MYRF: variants seen among roughly 807,000 people sequenced by gnomAD.
The protein encoded by MYRF is myelin regulatory factor, also known as myelin gene regulatory factor.
In MYRF, 16 loss-of-function variants were observed where a neutral mutation model predicts 126.3. The observed-to-expected ratio is 0.13, with a 90% CI of 0.09 to 0.19. The LOEUF (loss-of-function observed/expected upper bound fraction) is 0.19. MYRF is among the 10% of genes least tolerant of loss of function. The probability of loss-of-function intolerance (pLI) is 1.00; values close to 1 mark genes in which losing one functional copy is unlikely to be tolerated. For synonymous variants in MYRF, 608 were observed against 635.3 expected, an observed-to-expected ratio of 0.96 and a Z score of 0.65; for missense variants, 1,104 against 1,547.0, an observed-to-expected ratio of 0.71 and a Z score of 4.80.
intron 26 of MYRF, 75 bp from the exon 27 acceptor site, chr11:61,785,988 A>G: frequency 6.4e-7 from 1 of 1,555,872 alleles, no homozygotes; most frequent in Non-Finnish European, 8.9e-7. Context: ...CACAGTGTCA[A>G]GCAATGTCAG....
At position 61,781,756 on chromosome 11, in the gene MYRF, G is replaced by A. The variant is rs528208848; in HGVS notation, c.2948G>A (p.Arg983Gln). 2.8e-5 allele frequency: 45 copies of A among 1,611,270 alleles called. No homozygotes were observed. The East Asian group carries it at 4.7e-4, about 17-fold the overall frequency. ...AGTCCCAGCCTTGGTTTCCATGGCC[G>A]GGCCCGCCGAGGGGCCCTCCAGTCC... Reference protein sequence around the residue: ...KNSPSLGFHGRARRGALQSSV... With the variant: ...KNSPSLGFHGQARRGALQSSV... Residue 983 changes from arginine (R) to glutamine (Q), a missense_variant, in exon 22 of 27, where the codon CGG becomes CAG. This residue lies in a region of MYRF where 323 missense variants were observed against 383.1 expected (regional missense o/e 0.84). Transcript: ENST00000278836.
Position 61,786,122 on chromosome 11 carries a change from C to A in MYRF, c.3435C>A (p.His1145Gln). Residue 1145 changes from histidine to glutamine, a missense_variant, in exon 27 of 27, where the codon CAC becomes CAA. His to Gln is a conservative substitution (Grantham distance 24). Coordinates refer to ENST00000278836, the MANE Select transcript of MYRF (RefSeq NM_001127392.3). This position sits in a 1 kb window ranked among gnomAD's most constrained non-coding sequence, Gnocchi z 4.5. ...LAQPATDYHF[H>Q]FYRLCD Reference sequence around the variant, plus strand: ...AGCCAGCCACAGACTACCACTTCCACTTCTACCGCCTGTGTGACTGAGCTG... The same window carrying A: ...AGCCAGCCACAGACTACCACTTCCAATTCTACCGCCTGTGTGACTGAGCTG... 1 of 1,614,224 alleles carries A rather than the reference C, an allele frequency of 6.2e-7. No individual in the cohort carries two copies.
chr11:61,760,439 C>T (rs555686209), intron 1 of MYRF, among the ~76,000 whole-genome samples: 2 of 152,262 alleles, frequency 1.3e-5, no homozygotes, highest in African/African-American at 4.8e-5. Context: ...GAAGGCTGAC[C>T]CACTGGAAGG....
In MYRF at chr11:61,788,185, T is replaced by G. The variant is rs410604; in HGVS notation, c.*2042T>G. The stretch of plus-strand genomic sequence containing the variant: ...GCCCTGGGGTCCAGCAGGTCATCCC[T>G]CCCTTCTTCTCTCTCCTTTGGCGTT... On this transcript the variant is annotated 3_prime_UTR_variant, in exon 27 of 27. Coordinates refer to ENST00000278836, the MANE Select transcript of MYRF (RefSeq NM_001127392.3). 2.6e-5 allele frequency: 4 copies of G among 152,734 alleles called. No individual in the cohort carries two copies. Among genetic ancestry groups the G allele is most frequent in the African/African-American group, 7.2e-5 (3 of 41,422 alleles). The allele number at this position is 152,734 out of a possible 1,614,324, so 9.5% of individuals were successfully genotyped here. A position where few individuals can be genotyped will look rare whatever the true frequency, so the allele number is the denominator to read the frequency against.
At position 61,778,999 on chromosome 11, in the gene MYRF, G is replaced by A. The variant is rs2066467308; in HGVS notation, c.2014-264G>A. On this transcript the variant is annotated intron_variant, in intron 14 of 26. Coordinates refer to ENST00000278836, the MANE Select transcript of MYRF (RefSeq NM_001127392.3). The surrounding 1 kb of genome is among the most constrained non-coding windows in gnomAD (Gnocchi z 4.6). The stretch of plus-strand genomic sequence containing the variant: ...GCTTAGGAGAGGAGAGCTCTGGCAG[G>A]GAGTGGGGAGGGCCATTCAGGCAGG... 3.1e-6 allele frequency: 2 copies of A among 650,790 alleles called. No individual in the cohort carries two copies. Among genetic ancestry groups the A allele is most frequent in the Non-Finnish European group, 5.7e-6 (2 of 352,164 alleles). 40.3% of individuals were successfully genotyped at this position (650,790 alleles called of 1,614,324 possible).
intron 2 of MYRF, 94 bp from the exon 3 acceptor site, chr11:61,765,864 C>A: frequency 6.9e-7 from 1 of 1,456,560 alleles, no homozygotes; most frequent in East Asian, 2.5e-5. Flanking sequence ...CTGACTCCTC[C>A]GAAATCTCCA....
chr11:61,759,126 G>A (rs1025734542), intron 1 of MYRF, among the ~76,000 whole-genome samples: 6 of 152,250 alleles, frequency 3.9e-5, no homozygotes, highest in African/African-American at 1.2e-4. Context: ...CCCTGGTGGA[G>A]ACCTGTGTCC....
At position 61,776,296 on chromosome 11, in the gene MYRF, CT is replaced by C; in HGVS notation, c.1389-25del. 3 of 1,600,238 alleles carry C rather than the reference CT, an allele frequency of 1.9e-6. No individual in the cohort carries two copies. The highest frequency in any genetic ancestry group is 2.6e-6 in the Non-Finnish European group (3 of 1,171,718). On this transcript the variant is annotated intron_variant, in intron 9 of 26. Coordinates refer to ENST00000278836, the MANE Select transcript of MYRF (RefSeq NM_001127392.3). The surrounding 1 kb of genome is among the most constrained non-coding windows in gnomAD (Gnocchi z 4.3). The stretch of plus-strand genomic sequence containing the variant: ...CTCTTGCAGCCTCCCTCCCTGCCCC[CT>C]GAGCACCCTGCCTCTCCTCTGCAGG...
chr11:61,780,732 C>T lies in MYRF; in HGVS notation c.2426C>T (p.Ser809Phe). The T allele has an allele frequency of 6.5e-7, 1 of 1,549,580 alleles. No individual in the cohort carries two copies. Among genetic ancestry groups the T allele is most frequent in the Non-Finnish European group, 8.7e-7 (1 of 1,147,062 alleles). Residue 809 changes from serine (S) to phenylalanine (F), a missense_variant, in exon 19 of 27, where the codon TCC becomes TTC. Transcript: ENST00000278836. ...DTDGSFAVST[S>F]CLLALLRPQP... The stretch of plus-strand genomic sequence containing the variant: ...CTTAGCTCTTTTGCCGTGTCCACTT[C>T]CTGTCTCCTGGCCCTGCTCCGGCCC...
At chr11:61,765,254 C>T (rs971105342) in intron 1 of MYRF, among the ~76,000 whole-genome samples, 2 of 152,236 alleles carry the variant, frequency 1.3e-5, no homozygotes, top group African/African-American at 4.8e-5. Context: ...TGCCTCACAG[C>T]ACCCCATAAG....
rs2065798721 is a variant in MYRF at position 61,757,711 on chromosome 11, G to A, written c.46+4921G>A. 5.4e-6 allele frequency: 2 copies of A among 368,272 alleles called. No homozygotes were observed. The highest frequency in any genetic ancestry group is 1.1e-5 in the Non-Finnish European group (2 of 184,220). The allele number at this position is 368,272 out of a possible 1,614,324, so 22.8% of individuals were successfully genotyped here. ...CAAGGAGGAGGGGCTTGGCTGTATT[G>A]TGACTTCATCTGCTGCACCCAGGCT... On this transcript the variant is annotated intron_variant, in intron 1 of 26. Transcript: ENST00000278836. This position sits in a 1 kb window ranked among gnomAD's most constrained non-coding sequence, Gnocchi z 4.7.
Position 61,757,357 on chromosome 11 carries a change from T to G in MYRF, c.46+4567T>G, listed in dbSNP as rs2065786899. 2.2e-6 allele frequency: 1 copy of G among 454,774 alleles called. No individual in the cohort carries two copies. Among genetic ancestry groups the G allele is most frequent in the Non-Finnish European group, 4.4e-6 (1 of 225,610 alleles). The allele number at this position is 454,774 out of a possible 1,614,324, so 28.2% of individuals were successfully genotyped here. A position where few individuals can be genotyped will look rare whatever the true frequency, so the allele number is the denominator to read the frequency against. The stretch of plus-strand genomic sequence containing the variant: ...ATCAGGGCACCGCTGTGCCTCCGCT[T>G]TCTCATCTGTAAAACGGGAGTGCAG... On this transcript the variant is annotated intron_variant, in intron 1 of 26. Coordinates refer to ENST00000278836, the MANE Select transcript of MYRF (RefSeq NM_001127392.3). The surrounding 1 kb of genome is among the most constrained non-coding windows in gnomAD (Gnocchi z 4.7).
At chr11:61,765,472 G>A (rs1371661959) in intron 1 of MYRF, among the ~76,000 whole-genome samples, 153 bp from the exon 2 acceptor site, 1 of 152,152 alleles carries the variant, frequency 6.6e-6, no homozygotes, top group Non-Finnish European at 1.5e-5. Flanking sequence ...AGTGGAGGGT[G>A]AGAGCCGGCC....
intron 1 of MYRF, among the ~76,000 whole-genome samples, chr11:61,756,476 CTCTG>C (rs1299884237): frequency 6.6e-6 from 1 of 151,998 alleles, no homozygotes; most frequent in Non-Finnish European, 1.5e-5. Flanking sequence ...GTCAGCCTGT[CTCTG>C]TCTGTCCCTG....
chr11:61,776,206 C>A lies in MYRF; in HGVS notation c.1388+74C>A. ...AAAGCTGGCTTGGGAATGGAGGGGC[C>A]AGGGAGGTACCCAGGGTGTCCGCCT... On this transcript the variant is annotated intron_variant, in intron 9 of 26. Transcript: ENST00000278836. This position sits in a 1 kb window ranked among gnomAD's most constrained non-coding sequence, Gnocchi z 4.3. 1.9e-6 allele frequency: 3 copies of A among 1,587,174 alleles called. No homozygotes were observed. Among genetic ancestry groups the A allele is most frequent in the Non-Finnish European group, 2.6e-6 (3 of 1,156,604 alleles).
At chr11:61,765,312 TC>T (rs1235095104) in intron 1 of MYRF, among the ~76,000 whole-genome samples, 1 of 152,216 alleles carries the variant, frequency 6.6e-6, no homozygotes, top group Non-Finnish European at 1.5e-5. Context: ...AAGGACTTGT[TC>T]CCTGTCACAC....
intron 25 of MYRF, 43 bp from the exon 26 acceptor site, chr11:61,785,757 A>G (rs1412783070): frequency 1.3e-6 from 2 of 1,542,138 alleles, no homozygotes; most frequent in East Asian, 2.3e-5. Flanking sequence ...TGGTTGGGAT[A>G]AGGGCAGCAG....
rs1448557180 is a variant in MYRF at position 61,781,376 on chromosome 11, A to G, written c.2764+47A>G. ...GGCTTGGGGCGGGGGCTACCTGCGT[A>G]GAGAGAAAGGCCCAAATACTCATTG... On this transcript the variant is annotated intron_variant, in intron 21 of 26. Coordinates refer to ENST00000278836, the MANE Select transcript of MYRF (RefSeq NM_001127392.3). 2.5e-6 allele frequency: 4 copies of G among 1,602,366 alleles called. No homozygotes were observed. In the Admixed American group the frequency reaches 5.1e-5, roughly 20 times the overall value.
chr11:61,766,895 C>T (rs1254180191), intron 3 of MYRF: 1 of 398,220 alleles, frequency 2.5e-6, no homozygotes, highest in South Asian at 1.8e-5. Flanking sequence ...GGGCCCCTGT[C>T]TCTGGGTGGA....
Sources: gnomAD v4.1 joint callset for allele counts (sites outside exome capture counted in the v4.1 genomes callset) on GRCh38, gnomAD v4.1.1 for gene constraint, gnomAD v4.1.1 regional missense constraint, Gnocchi (gnomAD v3.1) non-coding constraint, MANE v1.5 for transcripts, NCBI Gene and HGNC (gene_info 2026-07-23, HGNC 2026-07-21) for gene names.